Variants in CENPQ observed in about 807,000 individuals in gnomAD.
The protein encoded by CENPQ is chromosome 6 open reading frame 139.
In CENPQ, 27 loss-of-function variants were observed where a neutral mutation model predicts 36.6. The observed-to-expected ratio is 0.74, with a 90% CI of 0.54 to 1.02. The LOEUF is 1.02. Ranked by LOEUF, CENPQ falls within the 50% of genes least tolerant of loss-of-function variation. The pLI is 0.00. For missense variants in CENPQ, 306 were observed against 301.8 expected, an observed-to-expected ratio of 1.01 and a Z score of -0.10; for synonymous variants, 101 against 101.7, an observed-to-expected ratio of 0.99 and a Z score of 0.04.
intron 6 of CENPQ, among the ~76,000 whole-genome samples, chr6:49,484,500 A>G (rs900353664): frequency 1.3e-5 from 2 of 152,200 alleles, no homozygotes; most frequent in African/African-American, 2.4e-5. Context: ...AAACTAACAC[A>G]TATGGGACCG....
chr6:49,479,555 T>C (rs1768381029), intron 5 of CENPQ, among the ~76,000 whole-genome samples: 1 of 152,176 alleles, frequency 6.6e-6, no homozygotes, highest in Non-Finnish European at 1.5e-5. Flanking sequence ...AGTTCAACCA[T>C]TGTGGAAAGC....
chr6:49,481,418 G>A (rs552925457), intron 6 of CENPQ, among the ~76,000 whole-genome samples: 6 of 152,066 alleles, frequency 3.9e-5, no homozygotes, highest in East Asian at 3.9e-4. Flanking sequence ...TGTTCCTCCC[G>A]GTGGGTTTCT....
At chr6:49,483,163 C>T (rs979639488) in intron 6 of CENPQ, among the ~76,000 whole-genome samples, 9 of 152,122 alleles carry the variant, frequency 5.9e-5, no homozygotes, top group Non-Finnish European at 1.2e-4. Flanking sequence ...AGGTTCTCCA[C>T]GTCCCCACCA....
At chr6:49,483,416 G>A (rs12214010) in intron 6 of CENPQ, among the ~76,000 whole-genome samples, 15,421 of 152,142 alleles carry the variant, frequency 0.1, 793 homozygotes, top group Non-Finnish European at 0.11. Context: ...TGTGCTGTGC[G>A]CCCGCACTCC....
intron 5 of CENPQ, among the ~76,000 whole-genome samples, chr6:49,478,986 A>AT (rs1768366962): frequency 6.6e-6 from 1 of 152,196 alleles, no homozygotes; most frequent in Non-Finnish European, 1.5e-5. Context: ...ACTCTTCCAC[A>AT]TAATTGGTTT....
At chr6:49,472,891 CA>C in intron 5 of CENPQ, 33 bp downstream of exon 5, 2 of 1,280,394 alleles carry the variant, frequency 1.6e-6, no homozygotes, top group Middle Eastern at 4.7e-4. Flanking sequence ...ATGATTAAAA[CA>C]TAATTTTTAA....
chr6:49,475,438 C>T (rs529434580), intron 5 of CENPQ, among the ~76,000 whole-genome samples: 2 of 152,234 alleles, frequency 1.3e-5, no homozygotes, highest in East Asian at 3.9e-4. Flanking sequence ...ATAATAAGAG[C>T]TTTTTATGAC....
intron 1 of CENPQ, among the ~76,000 whole-genome samples, chr6:49,466,916 C>T (rs1768013495): frequency 1.3e-5 from 2 of 152,152 alleles, no homozygotes; most frequent in Non-Finnish European, 2.9e-5. Flanking sequence ...CAGGACTGCT[C>T]TTAACCATTA....
At chr6:49,489,931 C>A (rs1024653514) in intron 8 of CENPQ, among the ~76,000 whole-genome samples, 10 of 152,138 alleles carry the variant, frequency 6.6e-5, no homozygotes, top group Non-Finnish European at 1.5e-4. Context: ...TTTGTTGTTC[C>A]ATTTACAGAG....
At chr6:49,472,674 T>G in intron 4 of CENPQ, 116 bp from the exon 5 acceptor site, 1 of 712,794 alleles carries the variant, frequency 1.4e-6, no homozygotes. Context: ...GAAAAGTGAT[T>G]GATTTTGCCT....
rs1208875701 is a variant in CENPQ at position 49,493,066 on chromosome 6, T to C, written c.*791T>C. 6.6e-6 allele frequency: 1 copy of C among 152,014 alleles called. No homozygotes were observed. The highest frequency in any genetic ancestry group is 1.5e-5 in the Non-Finnish European group (1 of 67,948). 9.4% of individuals were successfully genotyped at this position (152,014 alleles called of 1,614,324 possible). A position where few individuals can be genotyped will look rare whatever the true frequency, so the allele number is the denominator to read the frequency against. On this transcript the variant is annotated 3_prime_UTR_variant, in exon 9 of 9. Transcript: ENST00000335783. Reference sequence around the variant, plus strand: ...AGTATACTGTCTTGGGTTTTTTTTTTTTTTTTTAGTCTGTAAAATAAAATG... The same window carrying C: ...AGTATACTGTCTTGGGTTTTTTTTTCTTTTTTTAGTCTGTAAAATAAAATG...
At position 49,472,797 on chromosome 6, in the gene CENPQ, T is replaced by C. The variant is rs758154515; in HGVS notation, c.286T>C (p.Leu96=). 15 of 1,449,138 alleles carry C rather than the reference T, an allele frequency of 1.0e-5. No individual in the cohort carries two copies. The South Asian group carries it at 1.9e-4, about 19-fold the overall frequency. 89.8% of individuals were successfully genotyped at this position (1,449,138 alleles called of 1,614,324 possible). A position where few individuals can be genotyped will look rare whatever the true frequency, so the allele number is the denominator to read the frequency against. ...TMMESVIMTI[L]SNSIKEKEEI... ...TCTTTTTTTCTTTTCTAGGACAATTTTGAGTAACAGTATTAAAGAAAAAGA... is the reference window on the plus strand; with the variant it reads ...TCTTTTTTTCTTTTCTAGGACAATTCTGAGTAACAGTATTAAAGAAAAAGA... The change falls in exon 5 of 9, where the codon TTG becomes CTG. Residue 96 remains leucine, a synonymous_variant. Coordinates refer to ENST00000335783, the MANE Select transcript of CENPQ (RefSeq NM_018132.4).
intron 6 of CENPQ, among the ~76,000 whole-genome samples, chr6:49,483,648 C>T (rs971189178): frequency 7.9e-5 from 12 of 152,362 alleles, no homozygotes; most frequent in East Asian, 7.7e-4. Context: ...CCTCCACAGC[C>T]GCTGGCTTGG....
chr6:49,464,915 C>T (rs911733091), intron 1 of CENPQ, among the ~76,000 whole-genome samples: 4 of 152,198 alleles, frequency 2.6e-5, no homozygotes, highest in African/African-American at 9.7e-5. Flanking sequence ...ATTTTGACCT[C>T]CTCCCGTGAA....
intron 5 of CENPQ, among the ~76,000 whole-genome samples, chr6:49,476,227 T>G (rs926955398): frequency 6.4e-4 from 98 of 152,138 alleles, no homozygotes; most frequent in African/African-American, 2.3e-3. Flanking sequence ...AAAACAGAGA[T>G]AGAGACCAAT....
chr6:49,476,361 G>C lies in CENPQ; in HGVS notation c.347+3503G>C, dbSNP rs1263025449. 3.9e-5 allele frequency among the ~76,000 whole-genome samples: 6 copies of C among 152,224 alleles called. No homozygotes were observed. The East Asian group carries it at 9.6e-4, about 24-fold the overall frequency. On this transcript the variant is annotated intron_variant, in intron 5 of 8. Coordinates refer to ENST00000335783, the MANE Select transcript of CENPQ (RefSeq NM_018132.4). ...TTAATAAATGGTGCTGGGAAAACTG[G>C]CTAGCCATATGTAGAAAGCTGAAAC...
chr6:49,480,279 G>A (rs1218677248), intron 5 of CENPQ, among the ~76,000 whole-genome samples: 1 of 152,032 alleles, frequency 6.6e-6, no homozygotes, highest in Non-Finnish European at 1.5e-5. Context: ...AATCAAATCT[G>A]GGAAAGCTAT....
chr6:49,466,934 G>C (rs1199575090), intron 1 of CENPQ, among the ~76,000 whole-genome samples: 1 of 152,164 alleles, frequency 6.6e-6, no homozygotes, highest in East Asian at 1.9e-4. Context: ...TTATGGTAGT[G>C]TTCTCAACCT....
chr6:49,468,271 TTCC>T (rs1768048484), intron 1 of CENPQ, among the ~76,000 whole-genome samples: 3 of 151,686 alleles, frequency 2.0e-5, no homozygotes, highest in Non-Finnish European at 4.4e-5. Flanking sequence ...GGTGTTGGCC[TTCC>T]TCCTATGGTG....
Sources: allele counts gnomAD v4.1 joint callset (sites outside exome capture counted in the v4.1 genomes callset), GRCh38; gene constraint gnomAD v4.1.1; transcripts MANE v1.5; gene names NCBI Gene and HGNC (gene_info 2026-07-23, HGNC 2026-07-21).